Variants in NCALD observed in about 807,000 individuals in gnomAD.
The protein encoded by NCALD is neurocalcin-delta.
Under a neutral mutation model 18.6 loss-of-function variants are expected in NCALD, and 10 were observed. The ratio of observed to expected loss-of-function variants is 0.54; its 90% CI spans 0.33 to 0.91. NCALD has a LOEUF of 0.91. Among genes scored for constraint, NCALD ranks in the 40% least tolerant of loss-of-function variants. The pLI, the probability that NCALD is intolerant of heterozygous loss-of-function variation, is 0.03. For synonymous variants in NCALD, 88 were observed against 87.4 expected (o/e 1.01, Z -0.04); for missense variants, 184 against 247.6 (o/e 0.74, Z 1.72).
chr8:101,784,915 C>T (rs1812162446), intron 1 of NCALD, among the ~76,000 whole-genome samples: 1 of 152,054 alleles, frequency 6.6e-6, no homozygotes, highest in Admixed American at 6.6e-5. Context: ...ATAGTAAGTC[C>T]TCACAACATC....
At chr8:101,949,949 T>A (rs1424584006) in intron 2 of NCALD, among the ~76,000 whole-genome samples, 3 of 152,162 alleles carry the variant, frequency 2.0e-5, no homozygotes, top group Non-Finnish European at 2.9e-5. Flanking sequence ...AGGCACTTCA[T>A]CAAAGTTCTT....
chr8:102,116,383 T>C (rs772458267), intron 1 of NCALD, among the ~76,000 whole-genome samples: 16 of 152,226 alleles, frequency 1.1e-4, no homozygotes, highest in Non-Finnish European at 1.9e-4. Context: ...ATAGTTGCCG[T>C]GTATCCTAAC....
At chr8:101,768,064 AC>A (rs1232902247) in intron 1 of NCALD, among the ~76,000 whole-genome samples, 4 of 152,210 alleles carry the variant, frequency 2.6e-5, no homozygotes, top group Admixed American at 2.6e-4. Flanking sequence ...AAAATAAGGA[AC>A]TTGGGCAACA....
At chr8:102,054,809 T>G (rs932740877) in intron 1 of NCALD, among the ~76,000 whole-genome samples, 4 of 152,200 alleles carry the variant, frequency 2.6e-5, no homozygotes, top group Non-Finnish European at 4.4e-5. Flanking sequence ...TTTCTCTATA[T>G]TTCTATCTCT....
intron 2 of NCALD, among the ~76,000 whole-genome samples, chr8:101,987,990 T>G (rs2131969146): frequency 6.6e-6 from 1 of 151,786 alleles, no homozygotes; most frequent in African/African-American, 2.4e-5. Flanking sequence ...CCGTCTCTAC[T>G]AAAAACACAA....
intron 1 of NCALD, among the ~76,000 whole-genome samples, chr8:102,056,967 A>G (rs1243552497): frequency 1.3e-5 from 2 of 152,346 alleles, no homozygotes; most frequent in African/African-American, 4.8e-5. Context: ...TATTGAGAAG[A>G]AAGTGGAGTC....
At chr8:101,781,298 C>T (rs951772388) in intron 1 of NCALD, among the ~76,000 whole-genome samples, 1 of 152,088 alleles carries the variant, frequency 6.6e-6, no homozygotes. Context: ...CTTTCTAGTC[C>T]TAGTAATATA....
intron 2 of NCALD, among the ~76,000 whole-genome samples, chr8:102,003,858 C>A (rs1148512): frequency 1 from 152,272 of 152,272 alleles, 76,136 homozygotes; most frequent in Non-Finnish European, 1. Flanking sequence ...TCAATAAATT[C>A]GGTATTGATG....
chr8:101,879,569 G>A (rs763421463), intron 4 of NCALD, among the ~76,000 whole-genome samples: 1 of 152,160 alleles, frequency 6.6e-6, no homozygotes, highest in Non-Finnish European at 1.5e-5. Context: ...TGTGTGGTGG[G>A]ACCTCAACGG....
At chr8:101,790,357 A>T in intron 1 of NCALD, among the ~76,000 whole-genome samples, 1 of 152,244 alleles carries the variant, frequency 6.6e-6, no homozygotes, top group East Asian at 1.9e-4. Context: ...GCAAAATCCC[A>T]ACTTTTGTTT....
intron 2 of NCALD, among the ~76,000 whole-genome samples, chr8:102,001,205 T>C (rs1181302315): frequency 6.6e-6 from 1 of 152,168 alleles, no homozygotes; most frequent in Non-Finnish European, 1.5e-5. Flanking sequence ...CTGAAAACCA[T>C]GGCACGAGAA....
chr8:101,972,380 G>A (rs191219169), intron 2 of NCALD, among the ~76,000 whole-genome samples: 1 of 152,300 alleles, frequency 6.6e-6, no homozygotes, highest in Admixed American at 6.5e-5. Flanking sequence ...ATTTTAATAT[G>A]TTGTTGTGGG....
Position 101,839,332 on chromosome 8 carries a change from C to T in NCALD, c.-20+47809G>A, listed in dbSNP as rs578147989. On this transcript the variant is annotated intron_variant, in intron 4 of 6. Coordinates refer to the NCALD transcript ENST00000311028. Reference sequence around the variant, plus strand: ...GTATGTCCTGTTCATGGAATTATTGCAGTTTGGCTGAGTGGGAGGTTGGGG... The same window carrying T: ...GTATGTCCTGTTCATGGAATTATTGTAGTTTGGCTGAGTGGGAGGTTGGGG... Among the ~76,000 whole-genome samples the T allele has an allele frequency of 3.9e-5, 6 of 151,956 alleles. No homozygotes were observed. In the East Asian group the frequency reaches 1.2e-3, roughly 29 times the overall value.
At chr8:102,077,122 T>A (rs1463463751) in intron 1 of NCALD, among the ~76,000 whole-genome samples, 1 of 152,102 alleles carries the variant, frequency 6.6e-6, no homozygotes, top group Non-Finnish European at 1.5e-5. Flanking sequence ...TCCCTGTCTC[T>A]CCTTTGCAGA....
In NCALD at chr8:101,687,912, G is replaced by A. The variant is rs1214620066; in HGVS notation, c.*1397C>T. 1 of 152,192 alleles carries A rather than the reference G, an allele frequency of 6.6e-6. No individual in the cohort carries two copies. Among genetic ancestry groups the A allele is most frequent in the Non-Finnish European group, 1.5e-5 (1 of 68,044 alleles). 9.4% of individuals were successfully genotyped at this position (152,192 alleles called of 1,614,324 possible). A position where few individuals can be genotyped will look rare whatever the true frequency, so the allele number is the denominator to read the frequency against. The stretch of plus-strand genomic sequence containing the variant: ...GTCTGCATTCAAAGAGCACGGCAAT[G>A]GAAAATACTTTTGGATTCTCCATAG... On this transcript the variant is annotated 3_prime_UTR_variant, in exon 4 of 4. Coordinates refer to ENST00000220931, the MANE Select transcript of NCALD (RefSeq NM_032041.3).
intron 1 of NCALD, among the ~76,000 whole-genome samples, chr8:101,771,531 T>G (rs956803597): frequency 5.3e-5 from 8 of 152,226 alleles, no homozygotes; most frequent in African/African-American, 1.9e-4. Flanking sequence ...GCTTAGATAT[T>G]CACAAAGGTT....
intron 1 of NCALD, among the ~76,000 whole-genome samples, chr8:102,093,956 A>G (rs16869080): frequency 0.026 from 3,917 of 152,220 alleles, 131 homozygotes; most frequent in East Asian, 0.13. Context: ...AGTGGCAAGA[A>G]TTCATCAGGG....
chr8:101,786,154 C>T (rs759835724), intron 1 of NCALD: 1 of 152,178 alleles, frequency 6.6e-6, no homozygotes, highest in African/African-American at 2.4e-5. Context: ...CCTGCCCTGT[C>T]TTGTACCTTA....
chr8:101,873,908 A>C (rs1816120617), intron 4 of NCALD, among the ~76,000 whole-genome samples: 1 of 152,200 alleles, frequency 6.6e-6, no homozygotes, highest in Admixed American at 6.5e-5. Context: ...ATTGCCATTA[A>C]ATTTACAATT....
Sources: allele counts gnomAD v4.1 joint callset (sites outside exome capture counted in the v4.1 genomes callset), GRCh38; gene constraint gnomAD v4.1.1; transcripts MANE v1.5; gene names NCBI Gene and HGNC (gene_info 2026-07-23, HGNC 2026-07-21).